The following FERRY3 variants were observed in gnomAD, a reference collection of about 807,000 sequenced individuals.
FERRY3 encodes protein C12orf4.
At chr12:4,505,417 A>T in the FERRY3 span, 1 of 1,381,022 alleles carries the variant, frequency 7.2e-7, no homozygotes, top group Non-Finnish European at 1.0e-6. Flanking sequence ...AGAACATAAC[A>T]ACATATGAGA....
At chr12:4,491,412 A>T in the FERRY3 span, among the ~76,000 whole-genome samples, 1 of 152,268 alleles carries the variant, frequency 6.6e-6, no homozygotes, top group South Asian at 2.1e-4. Context: ...CAGCTGTTAG[A>T]CTATACTTGT....
the FERRY3 span, chr12:4,517,977 T>C: frequency 1.5e-6 from 2 of 1,347,912 alleles, no homozygotes; most frequent in Non-Finnish European, 2.0e-6. Context: ...TTTTTTTCAT[T>C]TTCCCTGTAA....
At chr12:4,534,089 A>G in the FERRY3 span, 2 of 1,464,800 alleles carry the variant, frequency 1.4e-6, no homozygotes, top group Admixed American at 2.3e-5. Flanking sequence ...GGATTACCAC[A>G]GCATTTTAAA....
At chr12:4,503,311 T>C in the FERRY3 span, among the ~76,000 whole-genome samples, 7 of 152,218 alleles carry the variant, frequency 4.6e-5, no homozygotes, top group Admixed American at 4.6e-4. Flanking sequence ...TCTAGCACAT[T>C]GGCTGAGTGA....
chr12:4,502,214 T>A, the FERRY3 span: 1 of 308,142 alleles, frequency 3.2e-6, no homozygotes. The surrounding 1 kb of genome is among the most constrained non-coding windows in gnomAD (Gnocchi z 4.2). Flanking sequence ...GAAATTCTTT[T>A]ATGTACATAT....
At chr12:4,503,109 C>T in the FERRY3 span, among the ~76,000 whole-genome samples, 11 of 152,154 alleles carry the variant, frequency 7.2e-5, no homozygotes, top group Non-Finnish European at 1.6e-4. Flanking sequence ...AGGAGTGTAG[C>T]AGGATGACTT....
the FERRY3 span, among the ~76,000 whole-genome samples, chr12:4,493,830 C>T: frequency 0.08 from 12,138 of 152,208 alleles, 666 homozygotes; most frequent in Non-Finnish European, 0.12. Flanking sequence ...TGGTGGCTCA[C>T]ACCTGTAATC....
the FERRY3 span, among the ~76,000 whole-genome samples, chr12:4,513,857 C>T: frequency 2.0e-5 from 3 of 152,036 alleles, no homozygotes; most frequent in South Asian, 6.2e-4. Flanking sequence ...GTCCAAAACA[C>T]CAAAAGCAAT....
the FERRY3 span, among the ~76,000 whole-genome samples, chr12:4,530,398 A>G: frequency 2.0e-5 from 3 of 152,178 alleles, no homozygotes; most frequent in Non-Finnish European, 4.4e-5. Context: ...ACAAAATGCT[A>G]ATGGTGGCTA....
At chr12:4,491,780 G>T in the FERRY3 span, among the ~76,000 whole-genome samples, 68 of 152,230 alleles carry the variant, frequency 4.5e-4, no homozygotes, top group African/African-American at 1.5e-3. Context: ...TATGATTAGC[G>T]CGTATGCCAT....
At chr12:4,529,751 T>C in the FERRY3 span, 2 of 826,414 alleles carry the variant, frequency 2.4e-6, no homozygotes, top group Non-Finnish European at 1.8e-6. Flanking sequence ...TAATTTCTAA[T>C]ATTGAAGTTT....
the FERRY3 span, among the ~76,000 whole-genome samples, chr12:4,493,059 T>G: frequency 6.6e-6 from 1 of 152,222 alleles, no homozygotes; most frequent in African/African-American, 2.4e-5. Context: ...TTCCATCTAT[T>G]GAACCTGATC....
the FERRY3 span, among the ~76,000 whole-genome samples, chr12:4,532,941 A>G: frequency 7.9e-5 from 12 of 152,164 alleles, no homozygotes; most frequent in Non-Finnish European, 1.3e-4. Flanking sequence ...AAAACTCTAT[A>G]AAGTTTATGG....
At chr12:4,514,746 G>T in the FERRY3 span, among the ~76,000 whole-genome samples, 1 of 129,270 alleles carries the variant, frequency 7.7e-6, no homozygotes, top group Non-Finnish European at 1.6e-5. Context: ...GGACTGTGGT[G>T]GGGTGGGGGG....
At chr12:4,489,812 GCTTGGAT>G in the FERRY3 span, 1 of 1,597,602 alleles carries the variant, frequency 6.3e-7, no homozygotes, top group East Asian at 2.2e-5. Context: ...AGGGTTTAGT[GCTTGGAT>G]GTCAGAGTGA....
At chr12:4,524,120 G>A in the FERRY3 span, among the ~76,000 whole-genome samples, 1 of 151,740 alleles carries the variant, frequency 6.6e-6, no homozygotes, top group South Asian at 2.1e-4. Flanking sequence ...CACAGCAAAG[G>A]GCTTTCACAG....
the FERRY3 span, chr12:4,529,985 A>C: frequency 6.2e-7 from 1 of 1,613,618 alleles, no homozygotes; most frequent in Non-Finnish European, 8.5e-7. Context: ...GAATTAAGTC[A>C]TGGTACACAT....
the FERRY3 span, among the ~76,000 whole-genome samples, chr12:4,497,446 G>C: frequency 6.6e-6 from 1 of 152,148 alleles, no homozygotes; most frequent in Non-Finnish European, 1.5e-5. Flanking sequence ...TGGGTGTTCA[G>C]TCTATGAAAA....
At chr12:4,495,913 C>G in the FERRY3 span, among the ~76,000 whole-genome samples, 2 of 152,046 alleles carry the variant, frequency 1.3e-5, no homozygotes, top group African/African-American at 4.8e-5. Flanking sequence ...GTGACAGGAC[C>G]CTAGCAAATC....
Sources: allele counts gnomAD v4.1 joint callset (sites outside exome capture counted in the v4.1 genomes callset), GRCh38; gene constraint gnomAD v4.1.1; non-coding constraint Gnocchi (gnomAD v3.1); transcripts MANE v1.5; gene names NCBI Gene and HGNC (gene_info 2026-07-23, HGNC 2026-07-21).